RNF111: variants seen among roughly 807,000 people sequenced by gnomAD.
RNF111 encodes the protein ring finger protein 111.
Under a neutral mutation model 95.1 loss-of-function variants are expected in RNF111, and 17 were observed. The ratio of observed to expected loss-of-function variants is 0.18; its 90% CI spans 0.12 to 0.27. The LOEUF (loss-of-function observed/expected upper bound fraction) is 0.27. Among genes scored for constraint, RNF111 ranks in the 10% least tolerant of loss-of-function variants. RNF111 has a pLI of 1.00. For synonymous variants in RNF111, 440 were observed against 414.8 expected (o/e 1.06, Z -0.74); for missense variants, 1,189 against 1,210.4 (o/e 0.98, Z 0.26).
chr15:59,057,212 A>C (rs1414019473), intron 4 of RNF111, among the ~76,000 whole-genome samples: 1 of 152,200 alleles, frequency 6.6e-6, no homozygotes, highest in East Asian at 1.9e-4. Flanking sequence ...TTCACAGTGC[A>C]CATCTCCTCC....
Position 59,067,012 on chromosome 15 carries a change from G to A in RNF111, c.1615G>A (p.Val539Met), listed in dbSNP as rs773621519. 15 of 1,613,958 alleles carry A rather than the reference G, an allele frequency of 9.3e-6. No homozygotes were observed. The highest frequency in any genetic ancestry group is 1.3e-5 in the Non-Finnish European group (15 of 1,180,018). ...TTCCTTTAGTGATCCTGCTTGCCCTGTGGAAAGACCTCCACAAGTACAAGC... is the reference window on the plus strand; with the variant it reads ...TTCCTTTAGTGATCCTGCTTGCCCTATGGAAAGACCTCCACAAGTACAAGC... ...SPSFSDPACP[V>M]ERPPQVQAPC... is the part of the protein sequence containing the mutation. The change falls in exon 6 of 14, where the codon GTG (valine) becomes ATG (methionine). Residue 539 changes from valine to methionine, a missense_variant. Val to Met is a conservative substitution (Grantham distance 21). Around this residue, in one of 2 missense-constraint regions of RNF111, gnomAD observed 1,024 missense variants for 925.9 expected, o/e 1.11. Transcript: ENST00000348370.
intron 7 of RNF111, among the ~76,000 whole-genome samples, chr15:59,079,399 A>G (rs529353686): frequency 6.6e-6 from 1 of 152,376 alleles, no homozygotes; most frequent in African/African-American, 2.4e-5. Flanking sequence ...AACTTTTAGA[A>G]AATTGGTTTA....
rs757021745 is a variant in RNF111 at position 59,066,964 on chromosome 15, C to T, written c.1567C>T (p.His523Tyr). 6.2e-7 allele frequency: 1 copy of T among 1,614,138 alleles called. No homozygotes were observed. The highest frequency in any genetic ancestry group is 8.5e-7 in the Non-Finnish European group (1 of 1,180,022). The change falls in exon 6 of 14, where the codon CAC becomes TAC. Residue 523 changes from histidine (H) to tyrosine (Y), a missense_variant. Coordinates refer to ENST00000348370, the MANE Select transcript of RNF111 (RefSeq NM_017610.8). ...TCATCACCACCACCACCATACTCCC[C>T]ACCCAGCTGTCCCAGTTTCTCCTTC... ...QHHHHHHHTP[H>Y]PAVPVSPSFS...
At chr15:59,053,424 G>C (rs1188737735) in intron 3 of RNF111, among the ~76,000 whole-genome samples, 1 of 152,190 alleles carries the variant, frequency 6.6e-6, no homozygotes, top group Non-Finnish European at 1.5e-5. Flanking sequence ...AACGAATTTA[G>C]AAGTGCATTT....
At chr15:59,087,686 T>A (rs530693966) in intron 10 of RNF111, among the ~76,000 whole-genome samples, 2 of 152,152 alleles carry the variant, frequency 1.3e-5, no homozygotes, top group Non-Finnish European at 2.9e-5. Context: ...GTCTTCACAT[T>A]GAGTAAGCTG....
At position 59,080,305 on chromosome 15, in the gene RNF111, G is replaced by C. The variant is rs536991951; in HGVS notation, c.1949-631G>C. Reference sequence around the variant, plus strand: ...CTGGATAATTTTTGTATTTTTAGTGGAGACGGGGCTTCGCCATGTTGGCCA... The same window carrying C: ...CTGGATAATTTTTGTATTTTTAGTGCAGACGGGGCTTCGCCATGTTGGCCA... On this transcript the variant is annotated intron_variant, in intron 7 of 13. Transcript: ENST00000348370. Among the ~76,000 whole-genome samples the C allele has an allele frequency of 2.7e-3, 417 of 152,032 alleles. 1 individual carries two copies. Among genetic ancestry groups the C allele is most frequent in the African/African-American group, 9.5e-3 (395 of 41,450 alleles).
chr15:59,063,267 G>A (rs1405716681), intron 5 of RNF111, among the ~76,000 whole-genome samples: 4 of 152,138 alleles, frequency 2.6e-5, no homozygotes, highest in Admixed American at 6.5e-5. Context: ...AGACCATACC[G>A]TAAGTTATGT....
At chr15:59,024,462 C>T (rs143121643) in intron 1 of RNF111, among the ~76,000 whole-genome samples, 3 of 151,588 alleles carry the variant, frequency 2.0e-5, no homozygotes, top group East Asian at 3.9e-4. Context: ...AAGATCTTTT[C>T]AGCAAGTACT....
At chr15:59,070,028 G>GCCCCCC (rs2042842492) in intron 6 of RNF111, among the ~76,000 whole-genome samples, 2 of 10,036 alleles carry the variant, frequency 2.0e-4, no homozygotes, top group Non-Finnish European at 1.7e-4. Context: ...CCCACCTCCT[G>GCCCCCC]CTTTTTTTTT....
chr15:59,093,500 T>TG (rs764331037), intron 13 of RNF111: 4 of 402,562 alleles, frequency 9.9e-6, no homozygotes, highest in South Asian at 7.2e-5. Context: ...CGTAAGCCAC[T>TG]GCACTCGGCT....
At chr15:59,048,247 CAT>C (rs1296635821) in intron 2 of RNF111, among the ~76,000 whole-genome samples, 3 of 152,114 alleles carry the variant, frequency 2.0e-5, no homozygotes, top group Non-Finnish European at 4.4e-5. Context: ...ATGTTATATC[CAT>C]ATGATTGGAT....
intron 12 of RNF111, among the ~76,000 whole-genome samples, chr15:59,092,212 CTTAT>C (rs1199874546): frequency 6.6e-6 from 1 of 151,862 alleles, no homozygotes; most frequent in South Asian, 2.1e-4. Context: ...ATAAAAAAAA[CTTAT>C]TTATGCTCAT....
chr15:59,081,764 C>T lies in RNF111; in HGVS notation c.2297+480C>T, dbSNP rs149017553. 1.4e-4 allele frequency among the ~76,000 whole-genome samples: 22 copies of T among 151,968 alleles called. 1 individual carries two copies. The highest frequency in any genetic ancestry group is 9.8e-4 in the Admixed American group (15 of 15,272). On this transcript the variant is annotated intron_variant, in intron 8 of 13. Coordinates refer to ENST00000348370, the MANE Select transcript of RNF111 (RefSeq NM_017610.8). Reference sequence around the variant, plus strand: ...AAAGATAGGTGGCTGCAGTGATTCACCCCTATAATTCCAACACTTTGGGAG... The same window carrying T: ...AAAGATAGGTGGCTGCAGTGATTCATCCCTATAATTCCAACACTTTGGGAG...
chr15:58,994,202 T>C (rs369287485), intron 1 of RNF111, among the ~76,000 whole-genome samples: 27 of 151,882 alleles, frequency 1.8e-4, no homozygotes, highest in African/African-American at 6.5e-4. Flanking sequence ...CACGCTCAGG[T>C]TATTTTTTAT....
intron 7 of RNF111, among the ~76,000 whole-genome samples, chr15:59,079,533 G>C (rs1489495073): frequency 6.6e-6 from 1 of 152,142 alleles, no homozygotes; most frequent in African/African-American, 2.4e-5. Context: ...CTTGCTGAAT[G>C]AATCAAAAGC....
chr15:59,058,673 C>T, intron 5 of RNF111, 123 bp downstream of exon 5: 3 of 834,036 alleles, frequency 3.6e-6, no homozygotes, highest in Non-Finnish European at 5.8e-6. Flanking sequence ...TTATAATAAA[C>T]TTCATATGTT....
At chr15:59,007,304 G>T (rs1328279149) in intron 1 of RNF111, among the ~76,000 whole-genome samples, 3 of 149,804 alleles carry the variant, frequency 2.0e-5, no homozygotes, top group Non-Finnish European at 4.4e-5. Context: ...AGCTTTGCCT[G>T]TCTGGAATTT....
Position 59,031,408 on chromosome 15 carries a change from T to G in RNF111, c.586T>G (p.Leu196Val), listed in dbSNP as rs1333828741. The change falls in exon 2 of 14, where the codon TTA becomes GTA. Residue 196 changes from leucine to valine, a missense_variant. Leu to Val is a conservative substitution (Grantham distance 32). Coordinates refer to ENST00000348370, the MANE Select transcript of RNF111 (RefSeq NM_017610.8). Reference sequence around the variant, plus strand: ...TGAGACAGAATCTGTATCGGGATTGTTAATGAAAAGACCCTGTTTACATGG... The same window carrying G: ...TGAGACAGAATCTGTATCGGGATTGGTAATGAAAAGACCCTGTTTACATGG... The part of the protein sequence containing the change: ...RTETESVSGL[L>V]MKRPCLHGSS... 2 of 1,614,174 alleles carry G rather than the reference T, an allele frequency of 1.2e-6. No homozygotes were observed. The highest frequency in any genetic ancestry group is 2.2e-5 in the East Asian group (1 of 44,882).
intron 3 of RNF111, among the ~76,000 whole-genome samples, chr15:59,055,059 G>A (rs1263704859): frequency 2.0e-5 from 3 of 152,202 alleles, no homozygotes; most frequent in South Asian, 2.1e-4. Context: ...CTTAAATGAA[G>A]TTAGATGTTT....
Sources: allele counts gnomAD v4.1 joint callset (sites outside exome capture counted in the v4.1 genomes callset), GRCh38; gene constraint gnomAD v4.1.1; regional missense constraint gnomAD v4.1.1; transcripts MANE v1.5; gene names NCBI Gene and HGNC (gene_info 2026-07-23, HGNC 2026-07-21).